The following CSMD3 variants were observed in gnomAD, a reference collection of about 807,000 sequenced individuals.
CSMD3 encodes CUB and Sushi multiple domains 3.
CSMD3 carries 177 observed loss-of-function variants against 435.2 expected under a neutral mutation model. The ratio of observed to expected loss-of-function variants is 0.41; its 90% CI spans 0.36 to 0.46. The LOEUF (loss-of-function observed/expected upper bound fraction) is 0.46, where lower values mean the gene tolerates loss of function less well. CSMD3 is among the 20% of genes least tolerant of loss of function. CSMD3 has a pLI of 0.34. For missense variants in CSMD3, 4,265 were observed against 4,504.6 expected, an observed-to-expected ratio of 0.95 and a Z score of 1.52; for synonymous variants, 1,656 against 1,520.5, an observed-to-expected ratio of 1.09 and a Z score of -2.07.
chr8:112,593,348 T>A (rs1345200852), intron 22 of CSMD3, among the ~76,000 whole-genome samples: 1 of 152,020 alleles, frequency 6.6e-6, no homozygotes, highest in Admixed American at 6.5e-5. Context: ...AGATGAGAGC[T>A]TCAACTAAAG....
intron 32 of CSMD3, among the ~76,000 whole-genome samples, 161 bp downstream of exon 32, chr8:112,472,430 C>A (rs182491381): frequency 6.6e-6 from 1 of 152,120 alleles, no homozygotes; most frequent in Non-Finnish European, 1.5e-5. Context: ...AGTAAGATGA[C>A]CTCAAAATTG....
Position 113,226,579 on chromosome 8 carries a change from T to G in CSMD3, c.514+52013A>C, listed in dbSNP as rs1179904710. On this transcript the variant is annotated intron_variant, in intron 3 of 70. Transcript: ENST00000297405. Reference sequence around the variant, plus strand: ...TGAATGACTTGTCCAGCCAGTGTTCTGCAATGCCTTAGTGGAAATTAACTC... The same window carrying G: ...TGAATGACTTGTCCAGCCAGTGTTCGGCAATGCCTTAGTGGAAATTAACTC... Among the ~76,000 whole-genome samples, 7 of 151,588 alleles carry G rather than the reference T, an allele frequency of 4.6e-5. No individual in the cohort carries two copies. The East Asian group carries it at 1.4e-3, about 30-fold the overall frequency.
intron 35 of CSMD3, among the ~76,000 whole-genome samples, chr8:112,393,545 A>C (rs1284581768): frequency 2.0e-5 from 3 of 152,148 alleles, no homozygotes; most frequent in African/African-American, 2.4e-5. Context: ...AGACAAGGTC[A>C]CCCTTTTGCC....
At chr8:112,687,444 ATTAT>A (rs1425411347) in intron 14 of CSMD3, among the ~76,000 whole-genome samples, 2 of 152,136 alleles carry the variant, frequency 1.3e-5, no homozygotes, top group Non-Finnish European at 2.9e-5. Context: ...TTTGGCATAA[ATTAT>A]TTGTTTTAAT....
intron 5 of CSMD3, among the ~76,000 whole-genome samples, chr8:113,042,270 T>TA (rs969535495): frequency 6.6e-5 from 10 of 152,216 alleles, no homozygotes; most frequent in East Asian, 5.8e-4. Context: ...TTAGAAACAG[T>TA]AAAAAAACTA....
At chr8:112,336,952 T>C (rs1824629348) in intron 43 of CSMD3, 123 bp from the exon 44 acceptor site, 1 of 810,998 alleles carries the variant, frequency 1.2e-6, no homozygotes, top group Non-Finnish European at 2.1e-6. Flanking sequence ...TGTTTTTACT[T>C]CAGTTGAGGT....
At chr8:112,490,673 CTG>C (rs1229003715) in intron 31 of CSMD3, among the ~76,000 whole-genome samples, 2 of 152,088 alleles carry the variant, frequency 1.3e-5, no homozygotes, top group Admixed American at 6.5e-5. Context: ...AATCTGGCTC[CTG>C]GAAATTTTTC....
At chr8:112,430,879 C>T (rs1179115388) in intron 32 of CSMD3, among the ~76,000 whole-genome samples, 4 of 133,372 alleles carry the variant, frequency 3.0e-5, no homozygotes, top group African/African-American at 1.2e-4. Flanking sequence ...TTAGTTGTTA[C>T]GGGTGTTTGT....
In CSMD3 at chr8:112,819,306, T is replaced by C. The variant is rs184071166; in HGVS notation, c.1859+10380A>G. 2.2e-3 allele frequency among the ~76,000 whole-genome samples: 331 copies of C among 152,234 alleles called. 2 individuals are homozygous for C. Among genetic ancestry groups the C allele is most frequent in the Non-Finnish European group, 3.4e-3 (231 of 67,996 alleles). On this transcript the variant is annotated intron_variant, in intron 12 of 70. Transcript: ENST00000297405. Reference sequence around the variant, plus strand: ...CTGGGTTGACATGGGTTATGATGAATGGAGTTGAAGTTGAGAGGAGAGGGT... The same window carrying C: ...CTGGGTTGACATGGGTTATGATGAACGGAGTTGAAGTTGAGAGGAGAGGGT...
At chr8:112,546,368 G>C (rs1481149667) in intron 27 of CSMD3, among the ~76,000 whole-genome samples, 1 of 152,150 alleles carries the variant, frequency 6.6e-6, no homozygotes, top group Non-Finnish European at 1.5e-5. Context: ...GTGGCTAGTC[G>C]ACTGTTAGAG....
At chr8:113,148,916 A>G (rs2091741084) in intron 4 of CSMD3, among the ~76,000 whole-genome samples, 1 of 151,812 alleles carries the variant, frequency 6.6e-6, no homozygotes, top group Non-Finnish European at 1.5e-5. Context: ...CTACAGGTAT[A>G]ATCAGTATAT....
intron 7 of CSMD3, among the ~76,000 whole-genome samples, chr8:112,973,458 G>T (rs2084734284): frequency 6.6e-6 from 1 of 151,722 alleles, no homozygotes; most frequent in African/African-American, 2.4e-5. Flanking sequence ...CGACTCTATT[G>T]CAATGTCCTG....
At position 112,516,976 on chromosome 8, in the gene CSMD3, C is replaced by T. The variant is rs79875915; in HGVS notation, c.4756+58G>A. 6.1e-4 allele frequency: 792 copies of T among 1,305,452 alleles called. 4 individuals carry two copies. In the African/African-American group the frequency reaches 8.9e-3, roughly 15 times the overall value. The allele number at this position is 1,305,452 out of a possible 1,614,324, so 80.9% of individuals were successfully genotyped here. On this transcript the variant is annotated intron_variant, in intron 28 of 70. Transcript: ENST00000297405. ...AGAATATGGTTCTTAAGAACAATACCAGTTTTTAACCATTGTTTTATGTTT... is the reference window on the plus strand; with the variant it reads ...AGAATATGGTTCTTAAGAACAATACTAGTTTTTAACCATTGTTTTATGTTT...
At chr8:112,584,620 G>A (rs1343006006) in intron 23 of CSMD3, among the ~76,000 whole-genome samples, 3 of 151,538 alleles carry the variant, frequency 2.0e-5, no homozygotes, top group Non-Finnish European at 3.0e-5. Context: ...TACAGTAAAC[G>A]AAACCAGAAA....
At chr8:112,767,097 A>T (rs2077998817) in intron 13 of CSMD3, among the ~76,000 whole-genome samples, 1 of 151,912 alleles carries the variant, frequency 6.6e-6, no homozygotes, top group East Asian at 1.9e-4. Context: ...TTCCTGAAGT[A>T]AAAATGAAGT....
intron 1 of CSMD3, among the ~76,000 whole-genome samples, chr8:113,355,716 TTATTTTTATATATATATA>T (rs1407663537): frequency 1.1e-5 from 1 of 92,194 alleles, no homozygotes; most frequent in African/African-American, 5.0e-5. Context: ...CTTAAAAGTT[TTATTTTTATATATATATA>T]TATATATATA....
At chr8:112,593,439 G>T (rs977312313) in intron 22 of CSMD3, among the ~76,000 whole-genome samples, 2 of 152,160 alleles carry the variant, frequency 1.3e-5, no homozygotes, top group African/African-American at 4.8e-5. Context: ...GAGAGGAAAA[G>T]GTAGAGAAGA....
chr8:113,126,910 G>C (rs1336700982), intron 4 of CSMD3, among the ~76,000 whole-genome samples: 1 of 151,516 alleles, frequency 6.6e-6, no homozygotes, highest in Non-Finnish European at 1.5e-5. Flanking sequence ...TCTCCTCCTA[G>C]ATAATTCCTT....
chr8:112,709,328 A>G (rs147646436), intron 13 of CSMD3, among the ~76,000 whole-genome samples: 1 of 152,056 alleles, frequency 6.6e-6, no homozygotes, highest in Non-Finnish European at 1.5e-5. Context: ...AGGTGTACAC[A>G]TATTTTCTAA....
Sources: allele counts gnomAD v4.1 joint callset (sites outside exome capture counted in the v4.1 genomes callset), GRCh38; gene constraint gnomAD v4.1.1; transcripts MANE v1.5; gene names NCBI Gene and HGNC (gene_info 2026-07-23, HGNC 2026-07-21).